C8orf34: variants seen among roughly 807,000 people sequenced by gnomAD.
The protein encoded by C8orf34 is chromosome 8 open reading frame 34, also known as uncharacterized protein C8orf34.
Under a neutral mutation model 68.3 loss-of-function variants are expected in C8orf34, and 65 were observed. The ratio of observed to expected loss-of-function variants is 0.95; its 90% CI spans 0.78 to 1.17. The LOEUF is 1.17. C8orf34 is among the 50% of genes most tolerant of loss of function. The probability of loss-of-function intolerance (pLI) is 0.00; values close to 1 mark genes in which losing one functional copy is unlikely to be tolerated. For synonymous variants in C8orf34, 244 were observed against 241.2 expected (o/e 1.01, Z -0.11); for missense variants, 664 against 655.4 (o/e 1.01, Z -0.14).
At chr8:68,536,381 A>AAAG in intron 7 of C8orf34, among the ~76,000 whole-genome samples, 1 of 150,290 alleles carries the variant, frequency 6.7e-6, no homozygotes, top group South Asian at 2.1e-4. Context: ...AAAAAAAAAA[A>AAAG]AAGAAGAAAA....
chr8:68,348,301 T>C (rs1806365710), intron 1 of C8orf34, among the ~76,000 whole-genome samples: 1 of 152,092 alleles, frequency 6.6e-6, no homozygotes, highest in Non-Finnish European at 1.5e-5. Flanking sequence ...CTGGGCTCTC[T>C]ATTCTGTTCC....
chr8:68,440,866 C>G (rs1223578119), intron 2 of C8orf34, among the ~76,000 whole-genome samples: 3 of 151,108 alleles, frequency 2.0e-5, no homozygotes, highest in Non-Finnish European at 2.9e-5. Context: ...GTGCAGTGGC[C>G]TGATCTCTGC....
intron 12 of C8orf34, among the ~76,000 whole-genome samples, chr8:68,794,461 T>C (rs1216125783): frequency 1.5e-5 from 2 of 135,862 alleles, no homozygotes; most frequent in African/African-American, 6.1e-5. Flanking sequence ...CATGAATCAT[T>C]GTGCCCAGTA....
chr8:68,606,473 G>T (rs922356589), intron 7 of C8orf34, among the ~76,000 whole-genome samples: 1 of 152,064 alleles, frequency 6.6e-6, no homozygotes, highest in African/African-American at 2.4e-5. Context: ...ATGGAATAAA[G>T]GATATTATAA....
At chr8:68,749,959 C>T (rs1822653852) in intron 10 of C8orf34, among the ~76,000 whole-genome samples, 1 of 152,070 alleles carries the variant, frequency 6.6e-6, no homozygotes, top group African/African-American at 2.4e-5. Flanking sequence ...TTTCTGTGGA[C>T]ATGTTTTTGT....
At chr8:68,437,671 G>A (rs927910307) in intron 1 of C8orf34, among the ~76,000 whole-genome samples, 23 of 151,926 alleles carry the variant, frequency 1.5e-4, no homozygotes, top group Admixed American at 2.0e-4. Flanking sequence ...ATATTAAATA[G>A]CACAAATGAA....
At chr8:68,756,664 A>G (rs1402414386) in intron 10 of C8orf34, among the ~76,000 whole-genome samples, 1 of 152,216 alleles carries the variant, frequency 6.6e-6, no homozygotes, top group Non-Finnish European at 1.5e-5. Context: ...TTTAATTTCC[A>G]ATTTATAAAT....
intron 7 of C8orf34, among the ~76,000 whole-genome samples, chr8:68,589,986 T>C: frequency 7.5e-6 from 1 of 133,830 alleles, no homozygotes. Context: ...TTTAGCAGCA[T>C]CCATGGTATA....
chr8:68,743,353 A>G (rs1585811466), intron 10 of C8orf34, among the ~76,000 whole-genome samples: 1 of 152,190 alleles, frequency 6.6e-6, no homozygotes, highest in East Asian at 1.9e-4. Flanking sequence ...AAGATTTACA[A>G]GGGAGGAGCC....
intron 5 of C8orf34, among the ~76,000 whole-genome samples, chr8:68,497,762 G>A (rs115423605): frequency 0.011 from 1,718 of 151,654 alleles, 35 homozygotes; most frequent in African/African-American, 0.04. Context: ...AGAGAAATGT[G>A]TTCTTAGTAT....
intron 3 of C8orf34, among the ~76,000 whole-genome samples, chr8:68,463,083 A>T (rs1811923292): frequency 6.6e-6 from 1 of 152,086 alleles, no homozygotes; most frequent in Admixed American, 6.5e-5. Context: ...AATCAAATAG[A>T]CACAATAAAA....
Position 68,723,216 on chromosome 8 carries a change from C to T in C8orf34, c.1404+1779C>T, listed in dbSNP as rs562917425. Among the ~76,000 whole-genome samples, 26 of 152,132 alleles carry T rather than the reference C, an allele frequency of 1.7e-4. No individual in the cohort carries two copies. In the East Asian group the frequency reaches 2.3e-3, roughly 14 times the overall value. ...CACAAACATTGGTCCTAGTTTTACT[C>T]GTGGAGTGATAGCTTAAACCTAATC... On this transcript the variant is annotated intron_variant, in intron 10 of 13. Transcript: ENST00000518698.
intron 1 of C8orf34, among the ~76,000 whole-genome samples, chr8:68,384,004 A>T (rs1031344037): frequency 1.3e-5 from 2 of 152,212 alleles, no homozygotes; most frequent in Non-Finnish European, 2.9e-5. Flanking sequence ...ACTGTCTGCC[A>T]TTCAGATGTG....
intron 1 of C8orf34, among the ~76,000 whole-genome samples, chr8:68,429,345 A>T (rs1426153504): frequency 6.6e-6 from 1 of 152,240 alleles, no homozygotes; most frequent in Non-Finnish European, 1.5e-5. Context: ...AATTAAAATC[A>T]TAGGGATTCT....
In C8orf34 at chr8:68,533,114, A is replaced by G. The variant is rs1464313808; in HGVS notation, c.1070A>G (p.Asp357Gly). 6.2e-7 allele frequency: 1 copy of G among 1,602,468 alleles called. No individual in the cohort carries two copies. Among genetic ancestry groups the G allele is most frequent in the South Asian group, 1.1e-5 (1 of 87,740 alleles). ...HSPTPSVTEE[D>G]IDNEDDAMEL... is the part of the protein sequence containing the mutation. ...CCTACCCCATCTGTAACAGAAGAAG[A>G]TATTGATAATGAAGATGATGCAATG... The change falls in exon 7 of 14, where the codon GAT becomes GGT. Residue 357 changes from aspartate (D) to glycine (G), a missense_variant. Physicochemically the swap from Asp to Gly is moderately conservative, Grantham distance 94. Coordinates refer to ENST00000518698, the MANE Select transcript of C8orf34 (RefSeq NM_052958.4).
chr8:68,664,078 C>T (rs1318354620), intron 8 of C8orf34, among the ~76,000 whole-genome samples: 2 of 152,056 alleles, frequency 1.3e-5, no homozygotes, highest in African/African-American at 4.8e-5. Flanking sequence ...GGGTTGAGGT[C>T]AAGAGACAGC....
chr8:68,519,742 A>T (rs1050604828), intron 5 of C8orf34, among the ~76,000 whole-genome samples: 3 of 152,108 alleles, frequency 2.0e-5, no homozygotes, highest in Non-Finnish European at 4.4e-5. Flanking sequence ...GTGGGGGGGA[A>T]GAATTTTATG....
chr8:68,439,952 G>T (rs1240676776), intron 2 of C8orf34, among the ~76,000 whole-genome samples: 2 of 152,096 alleles, frequency 1.3e-5, no homozygotes, highest in African/African-American at 4.8e-5. Flanking sequence ...ATTTTTTAAT[G>T]AATAATTTGA....
chr8:68,400,960 C>T (rs1380343187), intron 1 of C8orf34, among the ~76,000 whole-genome samples: 2 of 152,090 alleles, frequency 1.3e-5, no homozygotes, highest in East Asian at 3.9e-4. Flanking sequence ...CTGTAGATTG[C>T]TTGGGCAGTG....
Sources: allele counts gnomAD v4.1 joint callset (sites outside exome capture counted in the v4.1 genomes callset), GRCh38; gene constraint gnomAD v4.1.1; transcripts MANE v1.5; gene names NCBI Gene and HGNC (gene_info 2026-07-23, HGNC 2026-07-21).